LRRIQ3: variants seen among roughly 807,000 people sequenced by gnomAD.
The protein encoded by LRRIQ3 is leucine-rich repeat and IQ domain-containing protein 3.
LRRIQ3 carries 75 observed loss-of-function variants against 59.3 expected under a neutral mutation model. That is an observed-to-expected ratio of 1.26 (90% CI 1.05 to 1.53). The LOEUF (loss-of-function observed/expected upper bound fraction) is 1.53. Among genes scored for constraint, LRRIQ3 ranks in the 40% most tolerant of loss-of-function variants. The pLI, the probability that LRRIQ3 is intolerant of heterozygous loss-of-function variation, is 0.00. For missense variants in LRRIQ3, 831 were observed against 710.0 expected (o/e 1.17, Z -1.94); for synonymous variants, 250 against 231.3 (o/e 1.08, Z -0.73).
chr1:74,167,321 T>C (rs1315405916), intron 3 of LRRIQ3, among the ~76,000 whole-genome samples: 2 of 151,896 alleles, frequency 1.3e-5, no homozygotes, highest in Admixed American at 1.3e-4. Flanking sequence ...TGGATGAAAT[T>C]GGAGACCATT....
At chr1:74,154,240 C>CAAAAAAAAAAAAAAAAAAAAAA (rs71078186) in intron 4 of LRRIQ3, among the ~76,000 whole-genome samples, 12 of 57,276 alleles carry the variant, frequency 2.1e-4, no homozygotes, top group Admixed American at 8.8e-4. Flanking sequence ...GACTCCTTCT[C>CAAAAAAAAAAAAAAAAAAAAAA]AAAAAAAAAA....
intron 5 of LRRIQ3, chr1:74,082,929 A>G (rs1646288830): frequency 6.6e-6 from 1 of 151,746 alleles, no homozygotes; most frequent in Non-Finnish European, 1.5e-5. Flanking sequence ...TTAGGATTTC[A>G]GAATATTTCT....
chr1:74,192,837 G>A (rs559483453), intron 1 of LRRIQ3, among the ~76,000 whole-genome samples: 25 of 152,058 alleles, frequency 1.6e-4, no homozygotes, highest in East Asian at 9.6e-4. Flanking sequence ...ATATTCTGTC[G>A]AACTTTCCAA....
chr1:74,084,070 A>T (rs1391881150), intron 5 of LRRIQ3: 9 of 1,071,988 alleles, frequency 8.4e-6, no homozygotes, highest in South Asian at 1.7e-5. Context: ...TTGTGTGTAC[A>T]GCTGATATCC....
At chr1:74,151,927 T>C (rs1648011388) in intron 4 of LRRIQ3, among the ~76,000 whole-genome samples, 1 of 152,080 alleles carries the variant, frequency 6.6e-6, no homozygotes. Context: ...AAAAGCTTTT[T>C]CTTAAAGTTC....
chr1:74,032,446 C>A (rs1247274374), intron 7 of LRRIQ3, among the ~76,000 whole-genome samples: 3 of 152,028 alleles, frequency 2.0e-5, no homozygotes, highest in Non-Finnish European at 4.4e-5. Context: ...TCAGCCAGAG[C>A]AATGGTTCTC....
chr1:74,119,512 G>T (rs1167444183), intron 4 of LRRIQ3, among the ~76,000 whole-genome samples: 1 of 151,992 alleles, frequency 6.6e-6, no homozygotes, highest in Non-Finnish European at 1.5e-5. Flanking sequence ...GTCACTTACA[G>T]TCTCCCCCAC....
Position 74,198,040 on chromosome 1 carries a change from C to T in LRRIQ3, c.-45G>A, listed in dbSNP as rs1342250150. The T allele has an allele frequency of 2.5e-6, 2 of 800,872 alleles. No homozygotes were observed. The highest frequency in any genetic ancestry group is 3.7e-6 in the Non-Finnish European group (2 of 535,878). 49.6% of individuals were successfully genotyped at this position (800,872 alleles called of 1,614,324 possible). A position where few individuals can be genotyped will look rare whatever the true frequency, so the allele number is the denominator to read the frequency against. ...GCCCTTATGAGTTGGAGACAAGTGG[C>T]CCAGCCCCAACACAGTCAGACAAAT... On this transcript the variant is annotated 5_prime_UTR_variant, in exon 1 of 8. Transcript: ENST00000354431.
intron 5 of LRRIQ3, chr1:74,083,342 A>C (rs946636417): frequency 3.8e-4 from 57 of 151,762 alleles, no homozygotes; most frequent in African/African-American, 1.4e-3. Context: ...CAAGACTCCA[A>C]TATTCCGGGG....
At chr1:74,099,805 C>A (rs1037393809) in intron 5 of LRRIQ3, among the ~76,000 whole-genome samples, 1 of 152,082 alleles carries the variant, frequency 6.6e-6, no homozygotes, top group African/African-American at 2.4e-5. Flanking sequence ...AAGACAAAAA[C>A]CACATGATTA....
intron 6 of LRRIQ3, among the ~76,000 whole-genome samples, chr1:74,049,013 G>T (rs1263752637): frequency 6.6e-6 from 1 of 152,114 alleles, no homozygotes; most frequent in Non-Finnish European, 1.5e-5. Context: ...AGATTGGGTG[G>T]ATAGGAATGG....
intron 3 of LRRIQ3, among the ~76,000 whole-genome samples, chr1:74,168,283 T>G (rs1439787166): frequency 1.3e-5 from 2 of 152,062 alleles, no homozygotes; most frequent in Non-Finnish European, 2.9e-5. Flanking sequence ...CATCCCCATT[T>G]AGAATGGCTA....
At chr1:74,071,553 T>C (rs921104323) in intron 6 of LRRIQ3, among the ~76,000 whole-genome samples, 1 of 152,194 alleles carries the variant, frequency 6.6e-6, no homozygotes, top group Admixed American at 6.6e-5. Context: ...CTACCCTTGA[T>C]GTCCCAGATG....
chr1:74,077,275 C>T (rs535917629), intron 5 of LRRIQ3, among the ~76,000 whole-genome samples: 8 of 152,010 alleles, frequency 5.3e-5, no homozygotes, highest in Admixed American at 6.6e-5. Context: ...TGCCTCCTAA[C>T]GATGCAATTC....
At position 74,074,645 on chromosome 1, in the gene LRRIQ3, A is replaced by C; in HGVS notation, c.997+16T>G. On this transcript the variant is annotated intron_variant, in intron 6 of 7. Coordinates refer to ENST00000354431, the MANE Select transcript of LRRIQ3 (RefSeq NM_001105659.2). ...AATATATTTATTAAATATAATTAAA[A>C]ATTCATATAACTAACCTTTTTGAAT... 1 of 1,188,924 alleles carries C rather than the reference A, an allele frequency of 8.4e-7. No individual in the cohort carries two copies. The highest frequency in any genetic ancestry group is 1.1e-6 in the Non-Finnish European group (1 of 903,966). 73.6% of individuals were successfully genotyped at this position (1,188,924 alleles called of 1,614,324 possible).
chr1:74,129,013 C>A (rs1476452997), intron 4 of LRRIQ3, among the ~76,000 whole-genome samples: 2 of 152,052 alleles, frequency 1.3e-5, no homozygotes, highest in Admixed American at 1.3e-4. Flanking sequence ...GTGGCATAAG[C>A]ATCCCTGTGG....
At chr1:74,051,817 C>T (rs1570032315) in intron 6 of LRRIQ3, among the ~76,000 whole-genome samples, 1 of 152,110 alleles carries the variant, frequency 6.6e-6, no homozygotes, top group Admixed American at 6.6e-5. Context: ...GATACGTTCC[C>T]TTTTAAAATT....
intron 4 of LRRIQ3, among the ~76,000 whole-genome samples, chr1:74,124,570 C>G (rs1646908422): frequency 6.6e-6 from 1 of 151,892 alleles, no homozygotes; most frequent in Non-Finnish European, 1.5e-5. Flanking sequence ...TATCATTGCT[C>G]TGACTGCAGA....
intron 4 of LRRIQ3, among the ~76,000 whole-genome samples, chr1:74,115,508 T>C (rs951264978): frequency 6.6e-6 from 1 of 152,056 alleles, no homozygotes. Flanking sequence ...CATTACAAAA[T>C]AGAAAATAAC....
Sources: gnomAD v4.1 joint callset for allele counts (sites outside exome capture counted in the v4.1 genomes callset) on GRCh38, gnomAD v4.1.1 for gene constraint, MANE v1.5 for transcripts, NCBI Gene and HGNC (gene_info 2026-07-23, HGNC 2026-07-21) for gene names.